The following PIK3CD variants were observed in gnomAD, a reference collection of about 807,000 sequenced individuals.
The protein encoded by PIK3CD is phosphatidylinositol 4,5-bisphosphate 3-kinase catalytic subunit delta isoform.
A neutral mutation model predicts 122.9 loss-of-function variants in PIK3CD; 20 were observed. That is an observed-to-expected ratio of 0.16 (90% CI 0.11 to 0.24). The LOEUF (loss-of-function observed/expected upper bound fraction) is 0.24. Ranked by LOEUF, PIK3CD falls within the 10% of genes least tolerant of loss-of-function variation. The probability of loss-of-function intolerance (pLI) is 1.00; values close to 1 mark genes in which losing one functional copy is unlikely to be tolerated. For missense variants in PIK3CD, 787 were observed against 1,406.3 expected (o/e 0.56, Z 7.04); for synonymous variants, 596 against 593.4 (o/e 1.00, Z -0.06).
the PIK3CD span, among the ~76,000 whole-genome samples, chr1:9,639,183 C>T: frequency 1.3e-5 from 2 of 152,060 alleles, no homozygotes; most frequent in African/African-American, 4.8e-5. Context: ...CTTTTTCATC[C>T]TTGTCTTTCT....
rs113680056 is a variant in PIK3CD at position 9,721,688 on chromosome 1, C to T, written c.1956-73C>T. ...CCAGCAGGCCTGGGTGTCCTGGCCT[C>T]GCTAGGTCCTGCTGGGCGGGAGGGG... On this transcript the variant is annotated intron_variant, in intron 15 of 23. Transcript: ENST00000377346. 1,111 of 1,600,876 alleles carry T rather than the reference C, an allele frequency of 6.9e-4. 10 individuals are homozygous for T. The African/African-American group carries it at 0.013, about 19-fold the overall frequency.
Position 9,658,521 on chromosome 1 carries a change from A to ATTTTTTTTTTTTT in PIK3CD, c.-138+6730_-138+6742dup, listed in dbSNP as rs1165670404. ...CTGAACTGGGTTTTTTCCCAGCCAC[A>ATTTTTTTTTTTTT]TTTTTTTTTTTTTTTTTTTTTTTGG... On this transcript the variant is annotated intron_variant, in intron 1 of 23. Transcript: ENST00000377346. Among the ~76,000 whole-genome samples, 10 of 91,174 alleles carry ATTTTTTTTTTTTT rather than the reference A, an allele frequency of 1.1e-4. 2 individuals are homozygous for ATTTTTTTTTTTTT. The highest frequency in any genetic ancestry group is 5.2e-4 in the African/African-American group (10 of 19,344). 59.8% of individuals were successfully genotyped at this position (91,174 alleles called of 152,430 possible). A position where few individuals can be genotyped will look rare whatever the true frequency, so the allele number is the denominator to read the frequency against.
rs1262762717 is a variant in PIK3CD, at chr1:9,719,192, G to A, written c.1242+277G>A. 2.0e-5 allele frequency among the ~76,000 whole-genome samples: 3 copies of A among 152,234 alleles called. No homozygotes were observed. The stretch of plus-strand genomic sequence containing the variant: ...CTGCAGGTAGTGCCCTGGGATGGAA[G>A]GACAAGCACAGTGTCATCCCTGGAG... On this transcript the variant is annotated intron_variant, in intron 9 of 23. Coordinates refer to ENST00000377346, the MANE Select transcript of PIK3CD (RefSeq NM_005026.5). The surrounding 1 kb of genome is among the most constrained non-coding windows in gnomAD (Gnocchi z 5.5).
intron 1 of PIK3CD, among the ~76,000 whole-genome samples, chr1:9,655,080 A>AG (rs1387284908): frequency 1.4e-4 from 21 of 151,044 alleles, no homozygotes; most frequent in African/African-American, 4.6e-4. Flanking sequence ...AAAAAAAAAA[A>AG]GAAAAAAAAG....
intron 1 of PIK3CD, among the ~76,000 whole-genome samples, chr1:9,681,654 C>CGG (rs1645758248): frequency 6.6e-6 from 1 of 151,796 alleles, no homozygotes; most frequent in African/African-American, 2.4e-5. Flanking sequence ...TGCTCGCCTC[C>CGG]CCGCCTCGGG....
chr1:9,707,591 A>G (rs923036255), intron 2 of PIK3CD, among the ~76,000 whole-genome samples: 2 of 151,828 alleles, frequency 1.3e-5, no homozygotes, highest in Non-Finnish European at 1.5e-5. Flanking sequence ...GCTCCCACTT[A>G]TAGGTGAGAA....
chr1:9,627,606 C>G, the PIK3CD span, among the ~76,000 whole-genome samples: 2 of 152,192 alleles, frequency 1.3e-5, no homozygotes, highest in Non-Finnish European at 2.9e-5. Context: ...AGTTCTCATC[C>G]AGGTCTGGCA....
At position 9,719,817 on chromosome 1, in the gene PIK3CD, A is replaced by T; in HGVS notation, c.1243-104A>T. The T allele has an allele frequency of 1.1e-6, 1 of 923,212 alleles. No homozygotes were observed. Among genetic ancestry groups the T allele is most frequent in the South Asian group, 1.3e-5 (1 of 76,920 alleles). The allele number at this position is 923,212 out of a possible 1,614,324, so 57.2% of individuals were successfully genotyped here. ...CCCAGGGGTCTGGTTGGGAGATGTT[A>T]GCTGGGCTCTGGGTCTTCTCGGGTG... On this transcript the variant is annotated intron_variant, in intron 9 of 23. Coordinates refer to ENST00000377346, the MANE Select transcript of PIK3CD (RefSeq NM_005026.5). This position sits in a 1 kb window ranked among gnomAD's most constrained non-coding sequence, Gnocchi z 5.5.
chr1:9,648,541 C>T (rs1359967135), upstream of PIK3CD, among the ~76,000 whole-genome samples: 2 of 152,248 alleles, frequency 1.3e-5, no homozygotes, highest in East Asian at 3.8e-4. Flanking sequence ...GCTGCTCACT[C>T]GGCCGTCAGA....
At chr1:9,663,591 T>A (rs1233293081) in intron 1 of PIK3CD, among the ~76,000 whole-genome samples, 2 of 151,592 alleles carry the variant, frequency 1.3e-5, no homozygotes, top group Non-Finnish European at 2.9e-5. Context: ...TTTTTAATAT[T>A]TTTTTATTAT....
the PIK3CD span, among the ~76,000 whole-genome samples, chr1:9,636,962 A>G: frequency 6.6e-6 from 1 of 150,470 alleles, no homozygotes; most frequent in Admixed American, 6.6e-5. Flanking sequence ...CAGTGGCCCG[A>G]TCTCGGCTCA....
In PIK3CD at chr1:9,704,692, G is replaced by A. The variant is rs941958958; in HGVS notation, c.-32-5732G>A. Among the ~76,000 whole-genome samples the A allele has an allele frequency of 1.3e-5, 2 of 152,006 alleles. No individual in the cohort carries two copies. Among genetic ancestry groups the A allele is most frequent in the Non-Finnish European group, 2.9e-5 (2 of 67,996 alleles). On this transcript the variant is annotated intron_variant, in intron 2 of 23. Transcript: ENST00000377346. This position sits in a 1 kb window ranked among gnomAD's most constrained non-coding sequence, Gnocchi z 5.0. Reference sequence around the variant, plus strand: ...CATGACCGGCTAATTTTTGTATTTTGTGTAGAGACAGGGTTTTACCATGTT... The same window carrying A: ...CATGACCGGCTAATTTTTGTATTTTATGTAGAGACAGGGTTTTACCATGTT...
At chr1:9,725,916 G>T (rs1051742846) in intron 23 of PIK3CD, among the ~76,000 whole-genome samples, 5 of 151,616 alleles carry the variant, frequency 3.3e-5, no homozygotes, top group South Asian at 2.1e-4. Flanking sequence ...ATAAATAAAA[G>T]ATATTTTTCC....
rs201869776 is a variant in PIK3CD, at chr1:9,717,074, C to T, written c.896C>T (p.Pro299Leu). 1.2e-5 allele frequency: 20 copies of T among 1,614,020 alleles called. No individual in the cohort carries two copies. Among genetic ancestry groups the T allele is most frequent in the South Asian group, 9.9e-5 (9 of 91,092 alleles). ...QSNPAPQVQK[P>L]RAKPPPIPAK... The stretch of plus-strand genomic sequence containing the variant: ...AACCCTGCCCCCCAGGTCCAGAAAC[C>T]GCGTGCCAAACCACCTCCCATTCCT... The change falls in exon 7 of 24, where the codon CCG becomes CTG. Residue 299 changes from proline (P) to leucine (L), a missense_variant. Around this residue, in one of 6 missense-constraint regions of PIK3CD, gnomAD observed 592 missense variants for 920.6 expected, o/e 0.64. Transcript: ENST00000377346. The surrounding 1 kb of genome is among the most constrained non-coding windows in gnomAD (Gnocchi z 5.4).
At chr1:9,726,698 G>A (rs1007551438) in intron 23 of PIK3CD, among the ~76,000 whole-genome samples, 1 of 152,114 alleles carries the variant, frequency 6.6e-6, no homozygotes, top group African/African-American at 2.4e-5. Flanking sequence ...AGTAGGGGAG[G>A]CGAGGTCACT....
intron 2 of PIK3CD, among the ~76,000 whole-genome samples, chr1:9,707,303 A>G (rs1416935248): frequency 1.3e-5 from 2 of 151,326 alleles, no homozygotes; most frequent in Non-Finnish European, 2.9e-5. Context: ...TCAACAAGAG[A>G]GAGGGTAAAT....
chr1:9,697,296 C>T (rs890843682), intron 2 of PIK3CD, among the ~76,000 whole-genome samples: 1 of 152,002 alleles, frequency 6.6e-6, no homozygotes, highest in African/African-American at 2.4e-5. Context: ...GAGATAAATA[C>T]TTAAGCAACT....
At chr1:9,672,829 T>C (rs1353341229) in intron 1 of PIK3CD, 5 of 152,212 alleles carry the variant, frequency 3.3e-5, no homozygotes, top group Admixed American at 3.3e-4. Context: ...ACCTCAAATG[T>C]AAACATTTTA....
intron 5 of PIK3CD, 40 bp downstream of exon 5, chr1:9,716,118 T>C: frequency 6.6e-7 from 1 of 1,507,386 alleles, no homozygotes; most frequent in Non-Finnish European, 9.2e-7. Flanking sequence ...GGCTGCTCTG[T>C]CCATGGGGAG....
Sources: gnomAD v4.1 joint callset for allele counts (sites outside exome capture counted in the v4.1 genomes callset) on GRCh38, gnomAD v4.1.1 for gene constraint, gnomAD v4.1.1 regional missense constraint, Gnocchi (gnomAD v3.1) non-coding constraint, MANE v1.5 for transcripts, NCBI Gene and HGNC (gene_info 2026-07-23, HGNC 2026-07-21) for gene names.